LPA: variants seen among roughly 807,000 people sequenced by gnomAD.
LPA encodes lipoprotein(a).
A neutral mutation model predicts 197.9 loss-of-function variants in LPA; 199 were observed. The observed-to-expected ratio is 1.01, with a 90% CI of 0.90 to 1.13. The LOEUF is 1.13. Ranked by LOEUF, LPA falls within the 50% of genes most tolerant of loss-of-function variation. LPA has a pLI of 0.00. For synonymous variants in LPA, 715 were observed against 639.5 expected (o/e 1.12, Z -1.78); for missense variants, 1,853 against 1,785.8 (o/e 1.04, Z -0.68).
chr6:160,604,963 G>A (rs1031527344), intron 18 of LPA, 83 bp downstream of exon 18: 1 of 1,590,216 alleles, frequency 6.3e-7, no homozygotes, highest in Non-Finnish European at 8.6e-7. Flanking sequence ...CTTGAGTCCT[G>A]AACACTCAGC....
At chr6:160,575,319 T>C (rs1778636155) in intron 28 of LPA, among the ~76,000 whole-genome samples, 1 of 152,208 alleles carries the variant, frequency 6.6e-6, no homozygotes, top group South Asian at 2.1e-4. Flanking sequence ...ATTTTAAATG[T>C]TTTTGCTAAT....
chr6:160,650,714 AGG>A lies in LPA; in HGVS notation c.50-219_50-218del, dbSNP rs1339065412. ...AGAAATATTTTATTTAAAAGTTTAG[AGG>A]AAGTTAACATATCAGAATTCTTCTC... On this transcript the variant is annotated intron_variant, in intron 1 of 38. Coordinates refer to ENST00000316300, the MANE Select transcript of LPA (RefSeq NM_005577.4). Among the ~76,000 whole-genome samples the A allele has an allele frequency of 6.6e-5, 10 of 152,334 alleles. No homozygotes were observed. In the East Asian group the frequency reaches 1.9e-3, roughly 29 times the overall value.
chr6:160,653,872 G>T (rs1174575006), intron 1 of LPA, among the ~76,000 whole-genome samples: 1 of 110,018 alleles, frequency 9.1e-6, no homozygotes, highest in African/African-American at 3.5e-5. Context: ...CAATAAATGA[G>T]ATTAATGACA....
chr6:160,548,781 G>T, intron 30 of LPA, 122 bp from the exon 31 acceptor site: 2 of 995,380 alleles, frequency 2.0e-6, no homozygotes, highest in East Asian at 5.0e-5. Context: ...CCCATTAAAG[G>T]TATCATACAA....
chr6:160,590,907 G>T (rs759821833), intron 23 of LPA, 37 bp downstream of exon 23: 2 of 1,613,522 alleles, frequency 1.2e-6, no homozygotes, highest in Non-Finnish European at 8.5e-7. Context: ...TTATCCCAAC[G>T]TCCAAGGGTG....
chr6:160,551,599 G>C (rs1373773198), intron 30 of LPA, among the ~76,000 whole-genome samples: 1 of 152,164 alleles, frequency 6.6e-6, no homozygotes, highest in Non-Finnish European at 1.5e-5. Context: ...CCTCAAAAAA[G>C]TTTGCCTTCT....
In LPA at chr6:160,571,558, C is replaced by T. The variant is rs188230221; in HGVS notation, c.4631+5578G>A. The stretch of plus-strand genomic sequence containing the variant: ...CTGACTGGGGCTGCTGCCTTTCTTT[C>T]AGAGATGCCCTGCCCAGAGAGGAGG... On this transcript the variant is annotated intron_variant, in intron 28 of 38. Coordinates refer to ENST00000316300, the MANE Select transcript of LPA (RefSeq NM_005577.4). Among the ~76,000 whole-genome samples, 4 of 152,304 alleles carry T rather than the reference C, an allele frequency of 2.6e-5. No homozygotes were observed. In the East Asian group the frequency reaches 7.7e-4, roughly 29 times the overall value.
chr6:160,548,360 G>C lies in LPA; in HGVS notation c.5155+118C>G, dbSNP rs969800525. 4 of 1,020,940 alleles carry C rather than the reference G, an allele frequency of 3.9e-6. No homozygotes were observed. The African/African-American group carries it at 4.8e-5, about 12-fold the overall frequency. 63.2% of individuals were successfully genotyped at this position (1,020,940 alleles called of 1,614,324 possible). A position where few individuals can be genotyped will look rare whatever the true frequency, so the allele number is the denominator to read the frequency against. ...CATGGCAGAACCTCAACCAACACTC[G>C]AGCTCCCGTGTAGCACTAAAGGCTT... On this transcript the variant is annotated intron_variant, in intron 31 of 38. Transcript: ENST00000316300.
At chr6:160,584,051 T>C (rs1004971010) in intron 26 of LPA, among the ~76,000 whole-genome samples, 3 of 152,166 alleles carry the variant, frequency 2.0e-5, no homozygotes, top group Admixed American at 2.0e-4. Flanking sequence ...CTGACTCTCA[T>C]CTGCATTCCT....
intron 30 of LPA, among the ~76,000 whole-genome samples, chr6:160,549,920 A>G: frequency 6.6e-6 from 1 of 152,218 alleles, no homozygotes; most frequent in Non-Finnish European, 1.5e-5. Flanking sequence ...CAGAAAAACA[A>G]TTGAGTAAGT....
Position 160,531,730 on chromosome 6 carries a change from T to G in LPA, c.6122A>C (p.Ter2041SerextTer21). Residue 2041 changes from the stop codon to serine (S), a stop_lost, in exon 39 of 39, where the codon TAA (stop) becomes TCA (serine). Coordinates refer to ENST00000316300, the MANE Select transcript of LPA (RefSeq NM_005577.4). ...TGCTTCACTCTGTCTCCCGTCCAAT[T>G]AATTATTTCTCATCATTCCCTCAAT... is the stretch of plus-strand genomic sequence containing the variant. ...TWIEGMMRNN[*>S] 3 of 1,614,008 alleles carry G rather than the reference T, an allele frequency of 1.9e-6. No homozygotes were observed. The highest frequency in any genetic ancestry group is 2.5e-6 in the Non-Finnish European group (3 of 1,179,944).
Position 160,557,639 on chromosome 6 carries a change from A to G in LPA, c.4632-68T>C. On this transcript the variant is annotated intron_variant, in intron 28 of 38. Transcript: ENST00000316300. ...AATTCAGGGGCACCCAGCGCTGTCT[A>G]AACTTTGTTATAACAAAGTGTTAAA... 4 of 1,364,996 alleles carry G rather than the reference A, an allele frequency of 2.9e-6. No homozygotes were observed. In the South Asian group the frequency reaches 3.5e-5, roughly 12 times the overall value. The allele number at this position is 1,364,996 out of a possible 1,614,324, so 84.6% of individuals were successfully genotyped here.
Position 160,650,388 on chromosome 6 carries a change from T to C in LPA, c.159A>G (p.Ser53=), listed in dbSNP as rs752734941. ...TVTGRTCQAW[S]SMTPHQHNRT... is the part of the protein sequence containing the mutation. The stretch of plus-strand genomic sequence containing the variant: ...TATTATGTTGATGTGGTGTCATAGA[T>C]GACCAAGCTTGGCAGGTCCTTCCTG... The change falls in exon 2 of 39, where the codon TCA becomes TCG. Residue 53 remains serine (S), a synonymous_variant. Coordinates refer to ENST00000316300, the MANE Select transcript of LPA (RefSeq NM_005577.4). 1.9e-6 allele frequency: 3 copies of C among 1,613,958 alleles called. No individual in the cohort carries two copies. Among genetic ancestry groups the C allele is most frequent in the Non-Finnish European group, 2.5e-6 (3 of 1,179,846 alleles).
In LPA at chr6:160,611,729, G is replaced by T. The variant is rs1467763074; in HGVS notation, c.2444-8C>A. The T allele has an allele frequency of 6.9e-7, 1 of 1,458,138 alleles. No individual in the cohort carries two copies. The highest frequency in any genetic ancestry group is 9.4e-7 in the Non-Finnish European group (1 of 1,063,252). 90.3% of individuals were successfully genotyped at this position (1,458,138 alleles called of 1,614,324 possible). ...GCCTCTGCTCAGTCGGTGCTGAAAT[G>T]AAAACACAAGAAATAAACTGAGTAT... On this transcript the variant is annotated splice_region_variant and splice_polypyrimidine_tract_variant and intron_variant, in intron 15 of 38. Transcript: ENST00000316300.
intron 16 of LPA, among the ~76,000 whole-genome samples, chr6:160,608,104 A>G (rs570330047): frequency 6.6e-6 from 1 of 152,316 alleles, no homozygotes; most frequent in East Asian, 1.9e-4. Flanking sequence ...ATTTAAAAAT[A>G]TATAGAAATT....
Position 160,556,118 on chromosome 6 carries a change from G to A in LPA, c.4880C>T (p.Thr1627Ile), listed in dbSNP as rs1271599071. Residue 1627 changes from threonine (T) to isoleucine (I), a missense_variant, in exon 30 of 39, where the codon ACA becomes ATA. Transcript: ENST00000316300. ...CCTTCCTGTGACAGTGGTGGAGAAT[G>A]TGCCTCGATAACTCTGGCCATTACC... is the stretch of plus-strand genomic sequence containing the variant. ...YHGNGQSYRG[T>I]FSTTVTGRTC... 1 of 1,613,914 alleles carries A rather than the reference G, an allele frequency of 6.2e-7. No individual in the cohort carries two copies. Among genetic ancestry groups the A allele is most frequent in the Non-Finnish European group, 8.5e-7 (1 of 1,179,998 alleles).
intron 28 of LPA, among the ~76,000 whole-genome samples, chr6:160,571,062 T>C (rs1433767494): frequency 6.6e-6 from 1 of 152,158 alleles, no homozygotes; most frequent in Non-Finnish European, 1.5e-5. Context: ...GATTTGTTCA[T>C]TCCTTTTCAT....
chr6:160,611,647 T>G lies in LPA; in HGVS notation c.2518A>C (p.Thr840Pro). The G allele has an allele frequency of 1.3e-6, 2 of 1,572,892 alleles. No individual in the cohort carries two copies. The highest frequency in any genetic ancestry group is 1.1e-5 in the South Asian group (1 of 90,010). The change falls in exon 16 of 39, where the codon ACC becomes CCC. Residue 840 changes from threonine to proline, a missense_variant. By Grantham distance (38) the Thr-to-Pro change is conservative. Transcript: ENST00000316300. ...NGQSYRGTYS[T>P]TVTGRTCQAW... is the part of the protein sequence containing the mutation. ...TGGCAGGTTCTTCCAGTGACAGTGGTGGAGTATGTGCCTCGATAACTCTGT... is the reference window on the plus strand; with the variant it reads ...TGGCAGGTTCTTCCAGTGACAGTGGGGGAGTATGTGCCTCGATAACTCTGT...
chr6:160,582,904 A>G (rs1311572827), intron 26 of LPA, among the ~76,000 whole-genome samples: 1 of 152,028 alleles, frequency 6.6e-6, no homozygotes, highest in African/African-American at 2.4e-5. Context: ...TAAGCGTGCT[A>G]TGGTTTGCAC....
Sources: gnomAD v4.1 joint callset for allele counts (sites outside exome capture counted in the v4.1 genomes callset) on GRCh38, gnomAD v4.1.1 for gene constraint, MANE v1.5 for transcripts, NCBI Gene and HGNC (gene_info 2026-07-23, HGNC 2026-07-21) for gene names.